ASNS: variants seen among roughly 807,000 people sequenced by gnomAD.
ASNS encodes the protein asparagine synthetase (glutamine-hydrolyzing).
In ASNS, 37 loss-of-function variants were observed where a neutral mutation model predicts 62.6. That is an observed-to-expected ratio of 0.59 (90% confidence interval 0.45 to 0.78). The LOEUF is 0.78. ASNS is among the 30% of genes least tolerant of loss of function. The pLI is 0.00. For synonymous variants in ASNS, 207 were observed against 237.9 expected (o/e 0.87, Z 1.19); for missense variants, 520 against 682.4 (o/e 0.76, Z 2.65).
At chr7:97,914,970 A>G in the ASNS span, among the ~76,000 whole-genome samples, 1 of 152,374 alleles carries the variant, frequency 6.6e-6, no homozygotes, top group African/African-American at 2.4e-5. Flanking sequence ...AAGAAGTGTG[A>G]ATTTTGCATA....
chr7:97,927,468 C>G, the ASNS span, among the ~76,000 whole-genome samples: 2 of 152,266 alleles, frequency 1.3e-5, no homozygotes, highest in Admixed American at 6.5e-5. Context: ...TGTGCCATGT[C>G]AGCCAGCTAA....
At chr7:97,890,752 A>G in the ASNS span, among the ~76,000 whole-genome samples, 1 of 152,178 alleles carries the variant, frequency 6.6e-6, no homozygotes, top group African/African-American at 2.4e-5. Context: ...ATTGCTAAAA[A>G]AAAAATAGTA....
chr7:97,918,767 G>A, the ASNS span, among the ~76,000 whole-genome samples: 1 of 152,048 alleles, frequency 6.6e-6, no homozygotes, highest in Non-Finnish European at 1.5e-5. Flanking sequence ...ATCACACACC[G>A]GGTCCCGTCG....
chr7:97,860,453 C>T (rs1357736860), intron 4 of ASNS, among the ~76,000 whole-genome samples: 1 of 152,202 alleles, frequency 6.6e-6, no homozygotes, highest in African/African-American at 2.4e-5. Context: ...CCAGTGTTCT[C>T]TTTACCAGGC....
chr7:97,899,150 T>G, the ASNS span: 1 of 311,236 alleles, frequency 3.2e-6, no homozygotes, highest in Non-Finnish European at 6.0e-6. Context: ...AAAGGCTAAA[T>G]TTTATATTTT....
the ASNS span, chr7:97,885,912 G>A: frequency 1.8e-6 from 1 of 561,172 alleles, no homozygotes. Context: ...TGATGCCAAT[G>A]ATGGGCTCTC....
chr7:97,916,841 G>A, the ASNS span, among the ~76,000 whole-genome samples: 284 of 152,322 alleles, frequency 1.9e-3, 3 homozygotes, highest in Middle Eastern at 3.4e-3. Flanking sequence ...AGATGGGGGC[G>A]GATGGGATAG....
the ASNS span, among the ~76,000 whole-genome samples, chr7:97,923,511 G>T: frequency 6.6e-6 from 1 of 152,110 alleles, no homozygotes; most frequent in South Asian, 2.1e-4. Flanking sequence ...AACATGGGAG[G>T]TGGGTTCCCC....
the ASNS span, among the ~76,000 whole-genome samples, chr7:97,897,157 A>T: frequency 2.0e-5 from 3 of 152,218 alleles, no homozygotes; most frequent in African/African-American, 7.2e-5. Context: ...GACAAATGGG[A>T]TTATATTAAA....
At chr7:97,858,503 T>A (rs1209418450) in intron 6 of ASNS, 98 bp from the exon 7 acceptor site, 3 of 1,454,012 alleles carry the variant, frequency 2.1e-6, no homozygotes, top group Non-Finnish European at 2.8e-6. Context: ...AGATCATAGT[T>A]TTACTATTTA....
chr7:97,852,313 G>A lies in ASNS; in HGVS notation c.1632C>T (p.Ala544=), dbSNP rs1584455576. ...SHYWMPKWIN[A]TDPSARTLTH... The stretch of plus-strand genomic sequence containing the variant: ...TCAGCGTGCGGGCAGAAGGGTCAGT[G>A]GCATTGATCCACTTGGGCATCCAGT... Residue 544 remains alanine, a synonymous_variant, in exon 13 of 13, where the codon GCC becomes GCT. Coordinates refer to ENST00000394308, the MANE Select transcript of ASNS (RefSeq NM_001673.5). The A allele has an allele frequency of 6.2e-7, 1 of 1,614,006 alleles. No individual in the cohort carries two copies. Among genetic ancestry groups the A allele is most frequent in the Non-Finnish European group, 8.5e-7 (1 of 1,180,030 alleles).
intron 6 of ASNS, 33 bp downstream of exon 6, chr7:97,858,821 G>A: frequency 1.3e-6 from 2 of 1,552,136 alleles, no homozygotes; most frequent in Non-Finnish European, 1.8e-6. Flanking sequence ...AAACACACAT[G>A]AAATATAATT....
At chr7:97,859,986 T>C (rs1055782001) in intron 4 of ASNS, among the ~76,000 whole-genome samples, 2 of 152,220 alleles carry the variant, frequency 1.3e-5, no homozygotes, top group Admixed American at 6.5e-5. Context: ...GACAGTACAG[T>C]ACCCAACCTC....
chr7:97,876,427 A>ATT (rs1491362028), upstream of ASNS, among the ~76,000 whole-genome samples: 4 of 132,600 alleles, frequency 3.0e-5, no homozygotes, highest in East Asian at 2.3e-4. Flanking sequence ...GGACTCAAAC[A>ATT]TATTTTTTTT....
chr7:97,884,180 C>G, the ASNS span, among the ~76,000 whole-genome samples: 23,689 of 151,972 alleles, frequency 0.16, 2,170 homozygotes, highest in Non-Finnish European at 0.21. Flanking sequence ...TGACCTAGCC[C>G]CTCTCTTTCT....
At position 97,859,418 on chromosome 7, in the gene ASNS, C is replaced by T; in HGVS notation, c.488-20G>A. ...CAAGACCTAGAAATTCACAATGATA[C>T]CTTTATTCAAATTAGGTAACCCTTC... On this transcript the variant is annotated intron_variant, in intron 4 of 12. Coordinates refer to ENST00000394308, the MANE Select transcript of ASNS (RefSeq NM_001673.5). 1 of 1,577,292 alleles carries T rather than the reference C, an allele frequency of 6.3e-7. No individual in the cohort carries two copies. Among genetic ancestry groups the T allele is most frequent in the Non-Finnish European group, 8.6e-7 (1 of 1,160,266 alleles).
At chr7:97,866,183 A>C (rs1425124813) in intron 3 of ASNS, among the ~76,000 whole-genome samples, 1 of 152,238 alleles carries the variant, frequency 6.6e-6, no homozygotes, top group Non-Finnish European at 1.5e-5. Context: ...AAGTTCCTCC[A>C]GTTCAGCTTC....
At chr7:97,908,641 A>G in the ASNS span, among the ~76,000 whole-genome samples, 1 of 152,054 alleles carries the variant, frequency 6.6e-6, no homozygotes, top group Non-Finnish European at 1.5e-5. Flanking sequence ...ACCTCAAATG[A>G]TCCACCCGCC....
chr7:97,868,223 G>T (rs1016543747), intron 3 of ASNS, among the ~76,000 whole-genome samples: 3 of 152,088 alleles, frequency 2.0e-5, no homozygotes, highest in African/African-American at 7.2e-5. Context: ...CAGGAGAATT[G>T]CTTGAACCTG....
Sources: gnomAD v4.1 joint callset for allele counts (sites outside exome capture counted in the v4.1 genomes callset) on GRCh38, gnomAD v4.1.1 for gene constraint, MANE v1.5 for transcripts, NCBI Gene and HGNC (gene_info 2026-07-23, HGNC 2026-07-21) for gene names.